MARCHF10: variants seen among roughly 807,000 people sequenced by gnomAD.
MARCHF10 encodes membrane associated ring-CH-type finger 10.
In MARCHF10, 64 loss-of-function variants were observed where a neutral mutation model predicts 76.2. The observed-to-expected ratio is 0.84, with a 90% CI of 0.69 to 1.03. The LOEUF (loss-of-function observed/expected upper bound fraction) is 1.03, where lower values mean the gene tolerates loss of function less well. Among genes scored for constraint, MARCHF10 ranks in the 50% least tolerant of loss-of-function variants. MARCHF10 has a pLI of 0.00. For synonymous variants in MARCHF10, 340 were observed against 357.5 expected (o/e 0.95, Z 0.55); for missense variants, 875 against 958.0 (o/e 0.91, Z 1.14).
intron 3 of MARCHF10, among the ~76,000 whole-genome samples, chr17:62,780,040 TGAGCTGAGATCTCACC>T (rs2092627887): frequency 6.6e-6 from 1 of 151,712 alleles, no homozygotes; most frequent in East Asian, 1.9e-4. Flanking sequence ...GAGGTGGCAG[TGAGCTGAGATCTCACC>T]GTTGCACTCC....
In MARCHF10 at chr17:62,711,293, G is replaced by T; in HGVS notation, c.2266C>A (p.Leu756Ile). The change falls in exon 9 of 11, where the codon CTC becomes ATC. Residue 756 changes from leucine to isoleucine, a missense_variant. Physicochemically the swap from Leu to Ile is conservative, Grantham distance 5. Transcript: ENST00000311269. The surrounding 1 kb of genome is among the most constrained non-coding windows in gnomAD (Gnocchi z 4.4). ...SGLYLVLLLHLYEQRFAELMR... is the reference protein window; with the variant it reads ...SGLYLVLLLHIYEQRFAELMR... ...AGTTCTGCAAACCTCTGCTCATAGA[G>T]GTGAAGCAGCAGCACCAGGTACAAG... 6.2e-7 allele frequency: 1 copy of T among 1,614,132 alleles called. No homozygotes were observed. Among genetic ancestry groups the T allele is most frequent in the Middle Eastern group, 1.6e-4 (1 of 6,062 alleles).
chr17:62,764,463 G>A (rs2092283015), intron 3 of MARCHF10, among the ~76,000 whole-genome samples: 1 of 152,172 alleles, frequency 6.6e-6, no homozygotes, highest in Admixed American at 6.5e-5. Flanking sequence ...GCAAAGAGTA[G>A]TGTCAAGCTG....
Position 62,711,469 on chromosome 17 carries a change from G to A in MARCHF10, c.2215-125C>T. 2 of 846,754 alleles carry A rather than the reference G, an allele frequency of 2.4e-6. No individual in the cohort carries two copies. Among genetic ancestry groups the A allele is most frequent in the South Asian group, 1.6e-5 (1 of 61,056 alleles). The allele number at this position is 846,754 out of a possible 1,614,324, so 52.5% of individuals were successfully genotyped here. The stretch of plus-strand genomic sequence containing the variant: ...GAGAAGAGCCCAAGCTCCAAGGCAA[G>A]GCCTGCTCTTGGGGACCAGAAGACA... On this transcript the variant is annotated intron_variant, in intron 8 of 10. Coordinates refer to ENST00000311269, the MANE Select transcript of MARCHF10 (RefSeq NM_152598.4). This position sits in a 1 kb window ranked among gnomAD's most constrained non-coding sequence, Gnocchi z 4.4.
At chr17:62,750,505 A>C (rs183380865) in intron 4 of MARCHF10, 1 of 153,116 alleles carries the variant, frequency 6.5e-6, no homozygotes, top group East Asian at 1.9e-4. Context: ...GGGTGTATTC[A>C]ACACAGAACA....
chr17:62,711,162 A>G lies in MARCHF10; in HGVS notation c.2328+69T>C. Reference sequence around the variant, plus strand: ...CCGTGAGGACCTCAACAGCTTGCACATCTAATAAACAGCACTGCAGGGTTT... The same window carrying G: ...CCGTGAGGACCTCAACAGCTTGCACGTCTAATAAACAGCACTGCAGGGTTT... On this transcript the variant is annotated intron_variant, in intron 9 of 10. Transcript: ENST00000311269. This position sits in a 1 kb window ranked among gnomAD's most constrained non-coding sequence, Gnocchi z 4.4. 1 of 1,287,366 alleles carries G rather than the reference A, an allele frequency of 7.8e-7. No homozygotes were observed. Among genetic ancestry groups the G allele is most frequent in the Non-Finnish European group, 1.1e-6 (1 of 887,188 alleles). The allele number at this position is 1,287,366 out of a possible 1,614,324, so 79.7% of individuals were successfully genotyped here. A position where few individuals can be genotyped will look rare whatever the true frequency, so the allele number is the denominator to read the frequency against.
At chr17:62,788,982 G>A (rs1452600219) in intron 2 of MARCHF10, among the ~76,000 whole-genome samples, 1 of 137,916 alleles carries the variant, frequency 7.3e-6, no homozygotes, top group Non-Finnish European at 1.5e-5. Context: ...AGAATGGCGT[G>A]AACCCGGGAA....
At chr17:62,782,167 G>A (rs2092670045) in intron 3 of MARCHF10, among the ~76,000 whole-genome samples, 1 of 152,026 alleles carries the variant, frequency 6.6e-6, no homozygotes, top group African/African-American at 2.4e-5. Flanking sequence ...TGTGGACATT[G>A]GATCTGTCTG....
intron 3 of MARCHF10, among the ~76,000 whole-genome samples, chr17:62,762,114 C>G (rs535750696): frequency 6.6e-6 from 1 of 152,122 alleles, no homozygotes; most frequent in Non-Finnish European, 1.5e-5. Flanking sequence ...CAGCCAGGGC[C>G]GGAATTCTTG....
At chr17:62,713,327 C>A (rs2090026096) in intron 8 of MARCHF10, among the ~76,000 whole-genome samples, 1 of 152,196 alleles carries the variant, frequency 6.6e-6, no homozygotes, top group African/African-American at 2.4e-5. Flanking sequence ...TTGGAACTAT[C>A]AGGTTTGTCA....
chr17:62,804,027 C>T (rs903649042), intron 1 of MARCHF10, among the ~76,000 whole-genome samples: 4 of 152,104 alleles, frequency 2.6e-5, no homozygotes, highest in East Asian at 1.9e-4. Flanking sequence ...CCCGGAGACT[C>T]GCTCCAGTAC....
At chr17:62,804,450 A>G (rs527380774) in intron 1 of MARCHF10, among the ~76,000 whole-genome samples, 30 of 152,130 alleles carry the variant, frequency 2.0e-4, no homozygotes, top group African/African-American at 6.7e-4. Flanking sequence ...AACTCTGCGG[A>G]AAAAAAAGAA....
intron 3 of MARCHF10, among the ~76,000 whole-genome samples, chr17:62,785,513 A>G (rs2092729781): frequency 6.6e-6 from 1 of 152,230 alleles, no homozygotes; most frequent in South Asian, 2.1e-4. Context: ...AACAAAAGCC[A>G]AAATAGACAA....
At chr17:62,722,637 G>T in intron 7 of MARCHF10, 40 bp from the exon 8 acceptor site, 1 of 1,534,630 alleles carries the variant, frequency 6.5e-7, no homozygotes, top group Non-Finnish European at 8.9e-7. Context: ...TATAACCATG[G>T]GTCTGTTTGT....
chr17:62,755,901 C>T (rs2092025887), intron 4 of MARCHF10, among the ~76,000 whole-genome samples: 1 of 151,960 alleles, frequency 6.6e-6, no homozygotes, highest in Admixed American at 6.6e-5. Context: ...ATCACTTGAG[C>T]CCAGGAGTTC....
intron 6 of MARCHF10, among the ~76,000 whole-genome samples, chr17:62,732,801 T>C (rs908368517): frequency 6.6e-6 from 1 of 151,970 alleles, no homozygotes; most frequent in African/African-American, 2.4e-5. Flanking sequence ...GAGACCAGCC[T>C]GGCCAACCCG....
At chr17:62,751,509 C>A (rs2091897301) in intron 4 of MARCHF10, among the ~76,000 whole-genome samples, 1 of 152,172 alleles carries the variant, frequency 6.6e-6, no homozygotes, top group Non-Finnish European at 1.5e-5. Context: ...GCTGCCCAAA[C>A]CCTGGTGATG....
chr17:62,779,627 C>T (rs529426785), intron 3 of MARCHF10, among the ~76,000 whole-genome samples: 1 of 152,324 alleles, frequency 6.6e-6, no homozygotes, highest in East Asian at 1.9e-4. Flanking sequence ...TGCTAGGAGC[C>T]GCAGTATGCA....
At chr17:62,802,313 G>A (rs574880367) in intron 1 of MARCHF10, among the ~76,000 whole-genome samples, 2 of 152,150 alleles carry the variant, frequency 1.3e-5, no homozygotes, top group East Asian at 1.9e-4. Flanking sequence ...TCCGCCTCCC[G>A]GGTTCAAGCG....
intron 2 of MARCHF10, among the ~76,000 whole-genome samples, chr17:62,793,617 C>A (rs1236355946): frequency 6.7e-6 from 1 of 148,962 alleles, no homozygotes. Flanking sequence ...ACCACCACCA[C>A]CTCCACCACC....
Sources: gnomAD v4.1 joint callset for allele counts (sites outside exome capture counted in the v4.1 genomes callset) on GRCh38, gnomAD v4.1.1 for gene constraint, Gnocchi (gnomAD v3.1) non-coding constraint, MANE v1.5 for transcripts, NCBI Gene and HGNC (gene_info 2026-07-23, HGNC 2026-07-21) for gene names.